Variants in SFI1 observed in about 807,000 individuals in gnomAD.
SFI1 encodes the protein protein SFI1 homolog.
A neutral mutation model predicts 207.5 loss-of-function variants in SFI1; 195 were observed. That is an observed-to-expected ratio of 0.94 (90% CI 0.84 to 1.06). The LOEUF (loss-of-function observed/expected upper bound fraction) is 1.06. SFI1 is among the 50% of genes least tolerant of loss of function. The probability of loss-of-function intolerance (pLI) is 0.00; values close to 1 mark genes in which losing one functional copy is unlikely to be tolerated. For missense variants in SFI1, 1,634 were observed against 1,588.0 expected, an observed-to-expected ratio of 1.03 and a Z score of -0.49; for synonymous variants, 630 against 598.9, an observed-to-expected ratio of 1.05 and a Z score of -0.76.
At chr22:31,532,796 A>C (rs1437211041) in intron 4 of SFI1, among the ~76,000 whole-genome samples, 1 of 152,126 alleles carries the variant, frequency 6.6e-6, no homozygotes, top group Non-Finnish European at 1.5e-5. Context: ...CAGGTTTTGC[A>C]AAAGAGAAAA....
In SFI1 at chr22:31,589,468, G is replaced by A. The variant is rs766560218; in HGVS notation, c.1435G>A (p.Gly479Ser). Residue 479 changes from glycine to serine, a missense_variant, in exon 15 of 33, where the codon GGT (glycine) becomes AGT (serine). Physicochemically the swap from Gly to Ser is moderately conservative, Grantham distance 56. Transcript: ENST00000400288. ...TTAGCTGCTACAGGCCAGAGCGGATGGTCATTTCCAGCAGAGAGCCCTGCC... is the reference window on the plus strand; with the variant it reads ...TTAGCTGCTACAGGCCAGAGCGGATAGTCATTTCCAGCAGAGAGCCCTGCC... ...YKQLLQARADGHFQQRALPAA... is the reference protein window; with the variant it reads ...YKQLLQARADSHFQQRALPAA... 2 of 1,612,718 alleles carry A rather than the reference G, an allele frequency of 1.2e-6. No individual in the cohort carries two copies. The highest frequency in any genetic ancestry group is 1.1e-5 in the South Asian group (1 of 90,844).
At chr22:31,538,284 T>TTA (rs2059179595) in intron 4 of SFI1, 1 of 149,836 alleles carries the variant, frequency 6.7e-6, no homozygotes, top group South Asian at 2.1e-4. Flanking sequence ...TTTTTTTTTT[T>TTA]AAGTACAATT....
chr22:31,601,408 C>A (rs927563558), intron 15 of SFI1, among the ~76,000 whole-genome samples: 1 of 152,166 alleles, frequency 6.6e-6, no homozygotes, highest in Non-Finnish European at 1.5e-5. Flanking sequence ...CAGGCGTGAG[C>A]CACTATGCCC....
intron 15 of SFI1, among the ~76,000 whole-genome samples, chr22:31,593,398 G>C (rs2066465769): frequency 7.0e-6 from 1 of 141,910 alleles, no homozygotes; most frequent in Non-Finnish European, 1.6e-5. Context: ...TCAGACGATG[G>C]GCGGCCGGGC....
chr22:31,548,512 A>G (rs2060315336), intron 5 of SFI1, among the ~76,000 whole-genome samples: 1 of 151,984 alleles, frequency 6.6e-6, no homozygotes. Context: ...GCATGGCGGC[A>G]TGCGCCTGTA....
chr22:31,595,322 A>G (rs1041818554), intron 15 of SFI1, among the ~76,000 whole-genome samples: 2 of 152,200 alleles, frequency 1.3e-5, no homozygotes, highest in African/African-American at 4.8e-5. Context: ...TTAATCACTA[A>G]CTGTATGTCT....
At chr22:31,515,880 G>A (rs954679259) in intron 2 of SFI1, among the ~76,000 whole-genome samples, 1 of 151,860 alleles carries the variant, frequency 6.6e-6, no homozygotes, top group African/African-American at 2.4e-5. Flanking sequence ...TGGAACTACA[G>A]TCACGCACCA....
intron 22 of SFI1, among the ~76,000 whole-genome samples, 199 bp downstream of exon 22, chr22:31,608,232 T>A (rs552972858): frequency 2.6e-5 from 4 of 152,262 alleles, no homozygotes; most frequent in African/African-American, 9.6e-5. Context: ...CAGTCAGCGA[T>A]CAAGGTGTGG....
chr22:31,582,540 C>T (rs1173725163), intron 12 of SFI1, among the ~76,000 whole-genome samples: 8 of 151,824 alleles, frequency 5.3e-5, no homozygotes, highest in African/African-American at 1.5e-4. Flanking sequence ...GCGTGAGCCA[C>T]GACACCCGGC....
chr22:31,548,638 G>A (rs1273312907), intron 5 of SFI1, among the ~76,000 whole-genome samples: 4 of 146,502 alleles, frequency 2.7e-5, no homozygotes, highest in Non-Finnish European at 6.0e-5. Context: ...GCAAGACTCC[G>A]TCTCCAAAAA....
chr22:31,581,036 TG>T (rs1832318304), intron 12 of SFI1, among the ~76,000 whole-genome samples: 1 of 152,032 alleles, frequency 6.6e-6, no homozygotes, highest in African/African-American at 2.4e-5. Flanking sequence ...GGCAGGGTCT[TG>T]TTCTGTCACC....
At chr22:31,517,322 A>T (rs954181521) in intron 2 of SFI1, among the ~76,000 whole-genome samples, 2 of 152,034 alleles carry the variant, frequency 1.3e-5, no homozygotes, top group African/African-American at 4.8e-5. Flanking sequence ...AATCAGGGTC[A>T]CTGCAGCCTC....
At chr22:31,541,703 C>A (rs924144718) in intron 4 of SFI1, among the ~76,000 whole-genome samples, 1 of 144,614 alleles carries the variant, frequency 6.9e-6, no homozygotes, top group African/African-American at 2.6e-5. Flanking sequence ...GAGGTGGTGC[C>A]ACTGCACTCC....
chr22:31,613,746 A>T lies in SFI1; in HGVS notation c.2887A>T (p.Ile963Phe), dbSNP rs1229621803. The change falls in exon 27 of 33, where the codon ATT (isoleucine) becomes TTT (phenylalanine). Residue 963 changes from isoleucine (I) to phenylalanine (F), a missense_variant. By Grantham distance (21) the Ile-to-Phe change is conservative. Transcript: ENST00000400288. ...GTTTGAGGGTCCCCTTCTCAACCGC[A>T]TTGCTGCTGGGGCTGGGGATGGCAC... Reference protein sequence around the residue: ...VTFEGPLLNRIAAGAGDGTLE... With the variant: ...VTFEGPLLNRFAAGAGDGTLE... 1 of 1,613,150 alleles carries T rather than the reference A, an allele frequency of 6.2e-7. No individual in the cohort carries two copies. The highest frequency in any genetic ancestry group is 1.1e-5 in the South Asian group (1 of 91,004).
chr22:31,572,877 C>T, intron 8 of SFI1, 181 bp from the exon 9 acceptor site: 2 of 501,748 alleles, frequency 4.0e-6, no homozygotes, highest in South Asian at 4.6e-5. Context: ...GCAGAATGTC[C>T]CTCTTAAAGA....
intron 15 of SFI1, among the ~76,000 whole-genome samples, chr22:31,593,195 C>T (rs1313171320): frequency 2.0e-5 from 3 of 151,306 alleles, no homozygotes; most frequent in Non-Finnish European, 4.4e-5. Context: ...CCTCACCTCC[C>T]AGATGGGGCG....
intron 32 of SFI1, 22 bp downstream of exon 32, chr22:31,618,248 A>C: frequency 5.0e-6 from 8 of 1,597,374 alleles, no homozygotes; most frequent in Non-Finnish European, 6.8e-6. Context: ...GGCCATCCCC[A>C]GGTGTCCCTG....
chr22:31,516,296 TGAGGTCAGGAGTTA>T (rs1252266647), intron 2 of SFI1, among the ~76,000 whole-genome samples: 2 of 151,972 alleles, frequency 1.3e-5, no homozygotes, highest in Non-Finnish European at 1.5e-5. Flanking sequence ...GTGGATCACT[TGAGGTCAGGAGTTA>T]GAGACAAGCC....
At chr22:31,592,892 TGGCCGG>T (rs2066283311) in intron 15 of SFI1, among the ~76,000 whole-genome samples, 1 of 116,194 alleles carries the variant, frequency 8.6e-6, no homozygotes, top group Admixed American at 8.0e-5. Context: ...ACGGGCTGGC[TGGCCGG>T]GCTGAGGGGC....
Sources: allele counts gnomAD v4.1 joint callset (sites outside exome capture counted in the v4.1 genomes callset), GRCh38; gene constraint gnomAD v4.1.1; transcripts MANE v1.5; gene names NCBI Gene and HGNC (gene_info 2026-07-23, HGNC 2026-07-21).